Variants in NAALADL2 observed in about 807,000 individuals in gnomAD.
NAALADL2 encodes N-acetylated alpha-linked acidic dipeptidase like 2.
A neutral mutation model predicts 87.2 loss-of-function variants in NAALADL2; 76 were observed. That is an observed-to-expected ratio of 0.87 (90% confidence interval 0.72 to 1.05). The LOEUF (loss-of-function observed/expected upper bound fraction) is 1.05. NAALADL2 is among the 50% of genes least tolerant of loss of function. The pLI, the probability that NAALADL2 is intolerant of heterozygous loss-of-function variation, is 0.00. For missense variants in NAALADL2, 1,089 were observed against 945.8 expected (o/e 1.15, Z -1.99); for synonymous variants, 354 against 331.0 (o/e 1.07, Z -0.75).
chr3:175,029,171 A>G (rs1752537954), intron 1 of NAALADL2, among the ~76,000 whole-genome samples: 1 of 151,958 alleles, frequency 6.6e-6, no homozygotes, highest in Non-Finnish European at 1.5e-5. Context: ...CAAAAGATGT[A>G]TGGTGGAAAA....
chr3:175,325,307 G>C (rs1440976576), intron 5 of NAALADL2, among the ~76,000 whole-genome samples: 1 of 152,102 alleles, frequency 6.6e-6, no homozygotes, highest in Non-Finnish European at 1.5e-5. Context: ...GAATTTTGTT[G>C]CATCTACTGA....
chr3:175,081,537 T>C (rs545701186), intron 1 of NAALADL2, among the ~76,000 whole-genome samples: 2 of 152,266 alleles, frequency 1.3e-5, no homozygotes, highest in South Asian at 4.1e-4. Flanking sequence ...CCCCTTCTTA[T>C]CCTACCAATC....
intron 2 of NAALADL2, among the ~76,000 whole-genome samples, chr3:175,097,630 A>G (rs930946292): frequency 6.6e-6 from 1 of 152,172 alleles, no homozygotes; most frequent in Non-Finnish European, 1.5e-5. Context: ...AATAAAAACT[A>G]GGACATTAGC....
chr3:175,303,632 T>C (rs1757347346), intron 4 of NAALADL2, among the ~76,000 whole-genome samples: 1 of 152,228 alleles, frequency 6.6e-6, no homozygotes, highest in African/African-American at 2.4e-5. Flanking sequence ...TCCCTTAAAC[T>C]ACCGCACATA....
At chr3:175,666,027 A>ACT (rs2149824949) in intron 11 of NAALADL2, among the ~76,000 whole-genome samples, 1 of 152,310 alleles carries the variant, frequency 6.6e-6, no homozygotes, top group African/African-American at 2.4e-5. Flanking sequence ...TCCCTGTTTT[A>ACT]GAACACTGAA....
At chr3:175,372,321 C>T (rs554405896) in intron 5 of NAALADL2, among the ~76,000 whole-genome samples, 1 of 152,324 alleles carries the variant, frequency 6.6e-6, no homozygotes, top group South Asian at 2.1e-4. Flanking sequence ...CATGTCTGTG[C>T]ATTCTCTATA....
Position 174,819,058 on chromosome 3 carries a change from C to CTTTTTTTTTTTTTTTTTTTTT in NAALADL2, c.-9+81320_-9+81340dup, listed in dbSNP as rs3040106. ...GAATTTCTTTATTATACCATTTATT[C>CTTTTTTTTTTTTTTTTTTTTT]TTTTTTTTTTTTTTTTTTTTTTTTT... On this transcript the variant is annotated intron_variant, in intron 3 of 3. Transcript: ENST00000434257. 7.6e-4 allele frequency among the ~76,000 whole-genome samples: 36 copies of CTTTTTTTTTTTTTTTTTTTTT among 47,544 alleles called. 3 individuals are homozygous for CTTTTTTTTTTTTTTTTTTTTT. Among genetic ancestry groups the CTTTTTTTTTTTTTTTTTTTTT allele is most frequent in the East Asian group, 3.6e-3 (5 of 1,378 alleles). The allele number at this position is 47,544 out of a possible 152,430, so 31.2% of individuals were successfully genotyped here.
At chr3:174,506,755 G>T (rs958697056) in intron 1 of NAALADL2, among the ~76,000 whole-genome samples, 7 of 152,182 alleles carry the variant, frequency 4.6e-5, no homozygotes, top group Non-Finnish European at 1.0e-4. Flanking sequence ...GTAACTAGGT[G>T]TGTGAAATTT....
intron 7 of NAALADL2, among the ~76,000 whole-genome samples, chr3:175,464,355 C>T (rs774001601): frequency 2.0e-5 from 3 of 148,368 alleles, no homozygotes; most frequent in African/African-American, 5.0e-5. Flanking sequence ...ATCTGGGAGG[C>T]GGAGGTTGCA....
intron 1 of NAALADL2, among the ~76,000 whole-genome samples, chr3:175,078,972 A>G (rs1717196592): frequency 6.6e-6 from 1 of 152,210 alleles, no homozygotes; most frequent in South Asian, 2.1e-4. Context: ...TGGATCATAT[A>G]GTAACACAAT....
chr3:175,206,613 T>G (rs1423590647), intron 2 of NAALADL2, among the ~76,000 whole-genome samples: 1 of 151,944 alleles, frequency 6.6e-6, no homozygotes, highest in East Asian at 1.9e-4. Flanking sequence ...CAGTGTATAC[T>G]GCTCGGGTGA....
chr3:175,537,786 A>C (rs372155849), intron 9 of NAALADL2, among the ~76,000 whole-genome samples: 5 of 152,320 alleles, frequency 3.3e-5, no homozygotes, highest in African/African-American at 1.2e-4. Context: ...CTTTCTATTT[A>C]CTGATGTCTA....
At chr3:174,928,008 C>A (rs1304848241) in intron 1 of NAALADL2, among the ~76,000 whole-genome samples, 1 of 152,012 alleles carries the variant, frequency 6.6e-6, no homozygotes, top group Admixed American at 6.6e-5. Context: ...ACTATAGCCA[C>A]CTTCTTATTT....
intron 1 of NAALADL2, among the ~76,000 whole-genome samples, chr3:174,445,954 C>T (rs1715023008): frequency 6.6e-6 from 1 of 152,084 alleles, no homozygotes; most frequent in Admixed American, 6.5e-5. Flanking sequence ...TAAAAGCAAA[C>T]AGTATTCCTG....
At chr3:174,640,494 C>T (rs1020510347) in intron 2 of NAALADL2, among the ~76,000 whole-genome samples, 2 of 152,036 alleles carry the variant, frequency 1.3e-5, no homozygotes, top group African/African-American at 2.4e-5. Flanking sequence ...AAGAGTCCAC[C>T]TCCACCCAGA....
intron 2 of NAALADL2, among the ~76,000 whole-genome samples, chr3:175,233,193 T>A (rs1325496547): frequency 6.6e-6 from 1 of 152,182 alleles, no homozygotes; most frequent in Non-Finnish European, 1.5e-5. Flanking sequence ...TCTAAACAGC[T>A]CTCTCTGTAT....
chr3:174,960,888 T>G (rs1373731780), intron 1 of NAALADL2, among the ~76,000 whole-genome samples: 1 of 151,512 alleles, frequency 6.6e-6, no homozygotes, highest in African/African-American at 2.4e-5. Context: ...CACAAAAAAA[T>G]TTGCTGTGTG....
intron 11 of NAALADL2, among the ~76,000 whole-genome samples, chr3:175,705,045 G>C (rs1042716922): frequency 1.3e-5 from 2 of 152,130 alleles, no homozygotes; most frequent in Non-Finnish European, 2.9e-5. Context: ...CATCCCAGAT[G>C]GAGAGCACAA....
At chr3:174,703,303 CT>C (rs35658602) in intron 2 of NAALADL2, among the ~76,000 whole-genome samples, 11,254 of 123,080 alleles carry the variant, frequency 0.091, 431 homozygotes, top group Middle Eastern at 0.15. Context: ...CCATGCCTGG[CT>C]TTTTTTTTTT....
Sources: gnomAD v4.1 joint callset for allele counts (sites outside exome capture counted in the v4.1 genomes callset) on GRCh38, gnomAD v4.1.1 for gene constraint, MANE v1.5 for transcripts, NCBI Gene and HGNC (gene_info 2026-07-23, HGNC 2026-07-21) for gene names.